Variants in UTP20 observed in about 807,000 individuals in gnomAD.
UTP20 encodes the protein small subunit processome component 20 homolog.
Under a neutral mutation model 329.5 loss-of-function variants are expected in UTP20, and 164 were observed. The ratio of observed to expected loss-of-function variants is 0.50; its 90% CI spans 0.44 to 0.57. The LOEUF is 0.57. UTP20 is among the 20% of genes least tolerant of loss of function. The probability of loss-of-function intolerance (pLI) is 0.00; values close to 1 mark genes in which losing one functional copy is unlikely to be tolerated. For synonymous variants in UTP20, 1,151 were observed against 1,159.3 expected (o/e 0.99, Z 0.14); for missense variants, 3,055 against 3,284.2 (o/e 0.93, Z 1.71).
At chr12:101,323,229 C>A (rs908083975) in intron 25 of UTP20, among the ~76,000 whole-genome samples, 4 of 152,126 alleles carry the variant, frequency 2.6e-5, no homozygotes, top group African/African-American at 9.7e-5. Context: ...GAGCATTTTG[C>A]CTGTCTGTAG....
chr12:101,373,332 T>C, intron 52 of UTP20, 69 bp from the exon 53 acceptor site: 1 of 1,440,448 alleles, frequency 6.9e-7, no homozygotes, highest in Admixed American at 1.8e-5. Flanking sequence ...ATACAATATT[T>C]TCATTTTTTA....
At chr12:101,316,064 G>A (rs759747194) in intron 21 of UTP20, among the ~76,000 whole-genome samples, 4 of 152,180 alleles carry the variant, frequency 2.6e-5, no homozygotes, top group Non-Finnish European at 4.4e-5. Context: ...AAACCCAAAT[G>A]TCACCTTTAA....
At position 101,372,950 on chromosome 12, in the gene UTP20, C is replaced by T; in HGVS notation, c.6865C>T (p.Leu2289Phe). 6.2e-7 allele frequency: 1 copy of T among 1,613,874 alleles called. No homozygotes were observed. Among genetic ancestry groups the T allele is most frequent in the South Asian group, 1.1e-5 (1 of 91,084 alleles). ...DKLRPNLEFM[L>F]AQLNYEHETG... ...ATTGAGACCAAACTTGGAATTCATG[C>T]TCGCTCAACTGAAGTAAGCTTAAGC... is the stretch of plus-strand genomic sequence containing the variant. The change falls in exon 52 of 62, where the codon CTC becomes TTC. Residue 2289 changes from leucine to phenylalanine, a missense_variant. This residue lies in a region of UTP20 where 273 missense variants were observed against 363.1 expected (regional missense o/e 0.75). Transcript: ENST00000261637.
intron 6 of UTP20, among the ~76,000 whole-genome samples, chr12:101,289,280 G>A (rs549606135): frequency 9.5e-4 from 145 of 152,240 alleles, no homozygotes; most frequent in African/African-American, 3.4e-3. Context: ...GGGAGGCTGA[G>A]ACATGAGAAT....
intron 26 of UTP20, among the ~76,000 whole-genome samples, chr12:101,328,868 C>CAA (rs34117186): frequency 1.2e-4 from 13 of 106,028 alleles, no homozygotes; most frequent in African/African-American, 2.6e-4. Flanking sequence ...GACTCTGTCT[C>CAA]AAAAAAAAAA....
In UTP20 at chr12:101,371,076, C is replaced by T; in HGVS notation, c.6706C>T (p.Leu2236=). 10 of 1,613,868 alleles carry T rather than the reference C, an allele frequency of 6.2e-6. No homozygotes were observed. Among genetic ancestry groups the T allele is most frequent in the Non-Finnish European group, 8.5e-6 (10 of 1,179,920 alleles). The change falls in exon 51 of 62, where the codon CTG becomes TTG. Residue 2236 remains leucine (L), a synonymous_variant. Coordinates refer to ENST00000261637, the MANE Select transcript of UTP20 (RefSeq NM_014503.3). ...GLLKAILSRK[L]LVPEIDEVMR... is the part of the protein sequence containing the mutation. ...ATCTTAGGCAATTTTATCAAGAAAGCTGTTGGTCCCAGAAATCGATGAGGT... is the reference window on the plus strand; with the variant it reads ...ATCTTAGGCAATTTTATCAAGAAAGTTGTTGGTCCCAGAAATCGATGAGGT...
At position 101,299,713 on chromosome 12, in the gene UTP20, A is replaced by G. The variant is rs1311588317; in HGVS notation, c.1462A>G (p.Lys488Glu). Residue 488 changes from lysine (K) to glutamate (E), a missense_variant, in exon 13 of 62, where the codon AAG becomes GAG. Lys to Glu is a moderately conservative substitution (Grantham distance 56). Coordinates refer to ENST00000261637, the MANE Select transcript of UTP20 (RefSeq NM_014503.3). ...TATAAAGCAGAAGAAGACTAGATCC[A>G]AGGGAAGAAACGAACAGTTTCCAGT... Reference protein sequence around the residue: ...FYIKQKKTRSKGRNEQFPVLD... With the variant: ...FYIKQKKTRSEGRNEQFPVLD... 5 of 1,600,484 alleles carry G rather than the reference A, an allele frequency of 3.1e-6. No homozygotes were observed. Among genetic ancestry groups the G allele is most frequent in the Non-Finnish European group, 4.3e-6 (5 of 1,176,466 alleles).
At chr12:101,359,732 CT>C (rs1235184217) in intron 43 of UTP20, among the ~76,000 whole-genome samples, 1 of 152,124 alleles carries the variant, frequency 6.6e-6, no homozygotes, top group Admixed American at 6.6e-5. Flanking sequence ...TTGTTTCAGT[CT>C]TTCAGCTAGA....
chr12:101,280,790 C>T (rs1325617997), intron 1 of UTP20, among the ~76,000 whole-genome samples: 2 of 152,116 alleles, frequency 1.3e-5, no homozygotes, highest in Non-Finnish European at 2.9e-5. Flanking sequence ...TTTATTGCAG[C>T]GACTTTGCTA....
intron 45 of UTP20, among the ~76,000 whole-genome samples, chr12:101,365,209 G>A (rs1004015684): frequency 6.6e-6 from 1 of 152,054 alleles, no homozygotes; most frequent in African/African-American, 2.4e-5. Flanking sequence ...CACCAGCAGA[G>A]AACAGGGAGG....
At chr12:101,359,862 G>A (rs1337846355) in intron 43 of UTP20, among the ~76,000 whole-genome samples, 1 of 152,106 alleles carries the variant, frequency 6.6e-6, no homozygotes, top group Non-Finnish European at 1.5e-5. Flanking sequence ...AACCCTCTCA[G>A]AACTGTAGTT....
At chr12:101,323,422 A>G (rs1868444030) in intron 25 of UTP20, among the ~76,000 whole-genome samples, 1 of 152,218 alleles carries the variant, frequency 6.6e-6, no homozygotes, top group Non-Finnish European at 1.5e-5. Flanking sequence ...CATAAGTTTG[A>G]ACCACTTTAT....
chr12:101,352,336 T>G, intron 39 of UTP20, 142 bp downstream of exon 39: 1 of 781,060 alleles, frequency 1.3e-6, no homozygotes, highest in Non-Finnish European at 2.0e-6. Flanking sequence ...TCTTTGCTAT[T>G]ATGGATAATG....
chr12:101,317,610 A>C lies in UTP20; in HGVS notation c.2685A>C (p.Ala895=). 1 of 1,614,098 alleles carries C rather than the reference A, an allele frequency of 6.2e-7. No homozygotes were observed. The highest frequency in any genetic ancestry group is 8.5e-7 in the Non-Finnish European group (1 of 1,180,016). Reference sequence around the variant, plus strand: ...ATGATGAAGAGTTGGAGGAAGAGGCAGTGCCCCAAGATGAATCCTCACAGA... The same window carrying C: ...ATGATGAAGAGTTGGAGGAAGAGGCCGTGCCCCAAGATGAATCCTCACAGA... The part of the protein sequence containing the change: ...AGDDEELEEE[A]VPQDESSQKK... Residue 895 remains alanine, a synonymous_variant, in exon 22 of 62, where the codon GCA becomes GCC. Transcript: ENST00000261637.
chr12:101,295,220 T>C (rs1473098886), intron 11 of UTP20, among the ~76,000 whole-genome samples: 1 of 152,184 alleles, frequency 6.6e-6, no homozygotes, highest in African/African-American at 2.4e-5. Context: ...ATATTGAGAT[T>C]TAATACATCT....
intron 12 of UTP20, among the ~76,000 whole-genome samples, chr12:101,296,909 A>G (rs1872375933): frequency 6.6e-6 from 1 of 152,218 alleles, no homozygotes; most frequent in East Asian, 1.9e-4. Context: ...TTATTGTATC[A>G]TTTCTCAAAT....
chr12:101,317,719 G>A, intron 22 of UTP20, 56 bp downstream of exon 22: 1 of 1,517,448 alleles, frequency 6.6e-7, no homozygotes, highest in Non-Finnish European at 8.9e-7. Flanking sequence ...GGAACAGGAA[G>A]AGGTCTCTTA....
At chr12:101,312,315 A>G in intron 21 of UTP20, 39 bp downstream of exon 21, 1 of 1,604,230 alleles carries the variant, frequency 6.2e-7, no homozygotes, top group Non-Finnish European at 8.5e-7. Context: ...CTGGTGGGGC[A>G]TGAAGAAGAG....
chr12:101,346,294 G>A (rs1356806109), intron 37 of UTP20, among the ~76,000 whole-genome samples, 157 bp from the exon 38 acceptor site: 5 of 152,088 alleles, frequency 3.3e-5, no homozygotes, highest in Non-Finnish European at 5.9e-5. Flanking sequence ...CAGGTGATCT[G>A]CCCATCTCGG....
Sources: gnomAD v4.1 joint callset for allele counts (sites outside exome capture counted in the v4.1 genomes callset) on GRCh38, gnomAD v4.1.1 for gene constraint, gnomAD v4.1.1 regional missense constraint, MANE v1.5 for transcripts, NCBI Gene and HGNC (gene_info 2026-07-23, HGNC 2026-07-21) for gene names.